PTPRN2: variants seen among roughly 807,000 people sequenced by gnomAD.
PTPRN2 encodes the protein protein tyrosine phosphatase receptor type N2, also known as receptor-type tyrosine-protein phosphatase N2.
In PTPRN2, 74 loss-of-function variants were observed where a neutral mutation model predicts 118.8. The ratio of observed to expected loss-of-function variants is 0.62; its 90% CI spans 0.52 to 0.76. The LOEUF is 0.76. PTPRN2 is among the 30% of genes least tolerant of loss of function. The pLI is 0.00. For synonymous variants in PTPRN2, 641 were observed against 608.0 expected (o/e 1.05, Z -0.80); for missense variants, 1,481 against 1,394.4 (o/e 1.06, Z -0.99).
chr7:157,991,687 G>A (rs1189637634), intron 11 of PTPRN2, among the ~76,000 whole-genome samples: 2 of 152,240 alleles, frequency 1.3e-5, no homozygotes, highest in Admixed American at 1.3e-4. Context: ...GTGTTGGGGT[G>A]AGAGCTGCAC....
intron 12 of PTPRN2, among the ~76,000 whole-genome samples, chr7:157,732,520 T>C (rs1393845799): frequency 2.1e-4 from 3 of 14,226 alleles, no homozygotes; most frequent in Non-Finnish European, 2.9e-4. Flanking sequence ...TCCCGTCCCA[T>C]GCGCCCAGCA....
chr7:158,282,516 G>A (rs904000132), intron 3 of PTPRN2, among the ~76,000 whole-genome samples: 11 of 152,196 alleles, frequency 7.2e-5, no homozygotes, highest in Non-Finnish European at 1.5e-4. Context: ...TCGAGGCTGC[G>A]GCTGAGTTTG....
At chr7:157,756,351 G>A (rs1203712473) in intron 12 of PTPRN2, among the ~76,000 whole-genome samples, 2 of 151,522 alleles carry the variant, frequency 1.3e-5, no homozygotes, top group Non-Finnish European at 2.9e-5. Context: ...CTGGAGTGCA[G>A]TGGCGCGATC....
At position 157,595,528 on chromosome 7, in the gene PTPRN2, A is replaced by AGGTTAGGAAGCCAGG. The variant is rs1563245424; in HGVS notation, c.2419-214_2419-213insCCTGGCTTCCTAACC. 3.4e-4 allele frequency among the ~76,000 whole-genome samples: 21 copies of AGGTTAGGAAGCCAGG among 62,288 alleles called. 3 individuals carry two copies. The highest frequency in any genetic ancestry group is 1.5e-3 in the African/African-American group (18 of 12,338). The allele number at this position is 62,288 out of a possible 152,430, so 40.9% of individuals were successfully genotyped here. A position where few individuals can be genotyped will look rare whatever the true frequency, so the allele number is the denominator to read the frequency against. On this transcript the variant is annotated intron_variant, in intron 16 of 22. Coordinates refer to ENST00000389418, the MANE Select transcript of PTPRN2 (RefSeq NM_002847.5). Reference sequence around the variant, plus strand: ...GGAAGCCCGGAGGTTAGGAAGCCAGAAGGTTAGGAAGCCAGGAGGTTAGGA... The same window carrying AGGTTAGGAAGCCAGG: ...GGAAGCCCGGAGGTTAGGAAGCCAGAGGTTAGGAAGCCAGGAGGTTAGGAAGCCAGGAGGTTAGGA...
intron 2 of PTPRN2, among the ~76,000 whole-genome samples, chr7:158,401,809 G>C (rs565478412): frequency 6.6e-6 from 1 of 152,292 alleles, no homozygotes; most frequent in African/African-American, 2.4e-5. Flanking sequence ...GGGGCTCAGG[G>C]GACTGACGGC....
At chr7:158,231,259 C>T (rs1310419343) in intron 3 of PTPRN2, among the ~76,000 whole-genome samples, 4 of 152,082 alleles carry the variant, frequency 2.6e-5, no homozygotes, top group Non-Finnish European at 4.4e-5. Flanking sequence ...GAATGTGACC[C>T]TGTCTCAGAA....
At chr7:158,051,585 C>A (rs73171542) in intron 11 of PTPRN2, among the ~76,000 whole-genome samples, 1 of 152,188 alleles carries the variant, frequency 6.6e-6, no homozygotes, top group Non-Finnish European at 1.5e-5. Flanking sequence ...GGAAAAGTGG[C>A]TAACTGAATT....
chr7:158,379,811 T>C (rs1810823752), intron 2 of PTPRN2, among the ~76,000 whole-genome samples: 1 of 152,110 alleles, frequency 6.6e-6, no homozygotes, highest in Non-Finnish European at 1.5e-5. Flanking sequence ...TGAGACTGGG[T>C]AATTTATGCA....
intron 18 of PTPRN2, 87 bp downstream of exon 18, chr7:157,577,934 G>T (rs1314368124): frequency 1.4e-6 from 2 of 1,432,834 alleles, no homozygotes; most frequent in South Asian, 1.6e-5. Flanking sequence ...GCCCTGGGGG[G>T]CCCTAACGAA....
At chr7:157,856,549 A>G (rs1809726420) in intron 12 of PTPRN2, among the ~76,000 whole-genome samples, 1 of 152,264 alleles carries the variant, frequency 6.6e-6, no homozygotes, top group African/African-American at 2.4e-5. Flanking sequence ...TGTGTGGCAC[A>G]CAGTTCTACT....
At chr7:158,197,620 A>G (rs1826310919) in intron 4 of PTPRN2, among the ~76,000 whole-genome samples, 1 of 152,200 alleles carries the variant, frequency 6.6e-6, no homozygotes, top group African/African-American at 2.4e-5. Flanking sequence ...TAATTTATAA[A>G]GGAGAGGTTT....
At chr7:157,947,505 T>C (rs1380298359) in intron 11 of PTPRN2, among the ~76,000 whole-genome samples, 1 of 152,222 alleles carries the variant, frequency 6.6e-6, no homozygotes, top group African/African-American at 2.4e-5. Flanking sequence ...GGGGGCAGTA[T>C]GGATCTTGTT....
chr7:158,121,651 T>C (rs951295343), intron 9 of PTPRN2, among the ~76,000 whole-genome samples: 2 of 152,124 alleles, frequency 1.3e-5, no homozygotes, highest in Admixed American at 6.5e-5. Flanking sequence ...TGCTCCAATA[T>C]GGAAACCAAC....
intron 1 of PTPRN2, among the ~76,000 whole-genome samples, chr7:158,503,549 A>G (rs934322562): frequency 6.6e-6 from 1 of 152,248 alleles, no homozygotes; most frequent in Non-Finnish European, 1.5e-5. Flanking sequence ...CAGAGCCGGC[A>G]CCACAAGAAT....
chr7:158,044,839 G>A (rs2128892154), intron 11 of PTPRN2, among the ~76,000 whole-genome samples: 1 of 152,314 alleles, frequency 6.6e-6, no homozygotes, highest in South Asian at 2.1e-4. Flanking sequence ...GTACAAAAGA[G>A]TCTGCTGCAG....
At chr7:157,695,992 C>A (rs11768345) in intron 12 of PTPRN2, among the ~76,000 whole-genome samples, 18,109 of 141,876 alleles carry the variant, frequency 0.13, 316 homozygotes, top group Non-Finnish European at 0.18. Context: ...AGAGCCCTCA[C>A]CATCTACCCA....
At chr7:158,521,655 C>T (rs536420192) in intron 1 of PTPRN2, among the ~76,000 whole-genome samples, 12 of 89,392 alleles carry the variant, frequency 1.3e-4, no homozygotes, top group African/African-American at 1.8e-4. Context: ...GTGGACTGTC[C>T]AGGTGCTGGC....
intron 12 of PTPRN2, among the ~76,000 whole-genome samples, chr7:157,769,580 G>A (rs557397835): frequency 1.3e-5 from 2 of 152,330 alleles, no homozygotes; most frequent in East Asian, 1.9e-4. Flanking sequence ...CCTTCTGCAG[G>A]CCTTGGGTAG....
At position 157,540,774 on chromosome 7, in the gene PTPRN2, C is replaced by G. The variant is rs1797974857; in HGVS notation, c.2988G>C (p.Glu996Asp). The G allele has an allele frequency of 1.9e-6, 3 of 1,566,032 alleles. No homozygotes were observed. In the Admixed American group the frequency reaches 5.6e-5, roughly 29 times the overall value. ...PGMVQTKEQF[E>D]FALTAVAEEV... ...CCTCAGCCACGGCTGTCAGCGCGAA[C>G]TCAAACTGCTCCTGCAGGGCGAGAA... Residue 996 changes from glutamate to aspartate, a missense_variant, in exon 23 of 23, where the codon GAG becomes GAC. This residue lies in a region of PTPRN2 where 362 missense variants were observed against 384.1 expected (regional missense o/e 0.94). Transcript: ENST00000389418.
Sources: gnomAD v4.1 joint callset for allele counts (sites outside exome capture counted in the v4.1 genomes callset) on GRCh38, gnomAD v4.1.1 for gene constraint, gnomAD v4.1.1 regional missense constraint, MANE v1.5 for transcripts, NCBI Gene and HGNC (gene_info 2026-07-23, HGNC 2026-07-21) for gene names.